Variants in PTPRT observed in about 807,000 individuals in gnomAD.
PTPRT encodes the protein receptor-type tyrosine-protein phosphatase T.
Under a neutral mutation model 176.8 loss-of-function variants are expected in PTPRT, and 56 were observed. The ratio of observed to expected loss-of-function variants is 0.32; its 90% CI spans 0.26 to 0.40. PTPRT has a LOEUF of 0.40. Ranked by LOEUF, PTPRT falls within the 10% of genes least tolerant of loss-of-function variation. The pLI, the probability that PTPRT is intolerant of heterozygous loss-of-function variation, is 1.00. For synonymous variants in PTPRT, 783 were observed against 739.0 expected (o/e 1.06, Z -0.96); for missense variants, 1,540 against 1,908.2 (o/e 0.81, Z 3.60).
intron 2 of PTPRT, among the ~76,000 whole-genome samples, chr20:42,865,069 G>A (rs1450531304): frequency 6.6e-6 from 1 of 152,186 alleles, no homozygotes; most frequent in Non-Finnish European, 1.5e-5. Context: ...CCACCTCCAC[G>A]TGCAGTCAAG....
chr20:42,626,425 T>C (rs147380176), intron 7 of PTPRT, among the ~76,000 whole-genome samples: 1 of 152,304 alleles, frequency 6.6e-6, no homozygotes, highest in Non-Finnish European at 1.5e-5. Context: ...ACAGGATGTC[T>C]GCCCTATTCA....
intron 1 of PTPRT, among the ~76,000 whole-genome samples, chr20:43,047,041 G>A (rs1229450587): frequency 6.6e-6 from 1 of 152,110 alleles, no homozygotes; most frequent in Non-Finnish European, 1.5e-5. Flanking sequence ...GATCATTCAC[G>A]CCAGTTTCTT....
chr20:43,137,151 T>C (rs2013857398), intron 1 of PTPRT, among the ~76,000 whole-genome samples: 1 of 152,052 alleles, frequency 6.6e-6, no homozygotes, highest in Non-Finnish European at 1.5e-5. Context: ...TCCAACCTCC[T>C]CCTGAGGAGA....
At chr20:43,109,274 C>G (rs1387739834) in intron 1 of PTPRT, among the ~76,000 whole-genome samples, 1 of 152,110 alleles carries the variant, frequency 6.6e-6, no homozygotes, top group Admixed American at 6.5e-5. Context: ...CTGGATGAAC[C>G]TCCCACACAT....
intron 7 of PTPRT, among the ~76,000 whole-genome samples, chr20:42,589,897 C>T (rs1240119074): frequency 1.3e-5 from 2 of 152,140 alleles, no homozygotes; most frequent in Non-Finnish European, 2.9e-5. Flanking sequence ...GTCATGACCA[C>T]GCCACTTATC....
Position 42,099,557 on chromosome 20 carries a change from G to T in PTPRT, c.3715-1005C>A, listed in dbSNP as rs1290784674. ...GAAAATGGCCTGGGCGGGGGGGGGG[G>T]GGGTGGGGTGGTCTGGCAGCTTCAT... On this transcript the variant is annotated intron_variant, in intron 26 of 30. Coordinates refer to ENST00000373187, the MANE Select transcript of PTPRT (RefSeq NM_007050.6). 9.3e-5 allele frequency among the ~76,000 whole-genome samples: 4 copies of T among 42,848 alleles called. 1 individual carries two copies. Among genetic ancestry groups the T allele is most frequent in the Non-Finnish European group, 1.7e-4 (3 of 17,698 alleles). 28.1% of individuals were successfully genotyped at this position (42,848 alleles called of 152,430 possible).
chr20:42,969,088 G>A (rs1377688255), intron 1 of PTPRT: 1 of 152,186 alleles, frequency 6.6e-6, no homozygotes, highest in Non-Finnish European at 1.5e-5. Flanking sequence ...CTAGATAGAA[G>A]AAGATGTCAC....
intron 2 of PTPRT, among the ~76,000 whole-genome samples, chr20:42,879,770 T>C (rs1392328462): frequency 6.6e-6 from 1 of 152,058 alleles, no homozygotes; most frequent in African/African-American, 2.4e-5. Context: ...CGTGTGTGTG[T>C]GTGCATGTGC....
At chr20:42,359,840 C>T (rs535614969) in intron 9 of PTPRT, among the ~76,000 whole-genome samples, 5 of 152,302 alleles carry the variant, frequency 3.3e-5, no homozygotes, top group Admixed American at 1.3e-4. Context: ...GACCCATGCC[C>T]GTGGTTCCTG....
chr20:42,097,377 G>A (rs1380025166), intron 27 of PTPRT, among the ~76,000 whole-genome samples: 2 of 152,204 alleles, frequency 1.3e-5, no homozygotes, highest in Admixed American at 1.3e-4. Flanking sequence ...CTTTGCCTCT[G>A]CTGTTCCCTC....
At chr20:42,158,305 C>T (rs1185449438) in intron 17 of PTPRT, among the ~76,000 whole-genome samples, 7 of 152,056 alleles carry the variant, frequency 4.6e-5, no homozygotes, top group South Asian at 2.1e-4. Flanking sequence ...ACTGTTGTAT[C>T]CTAAATACCT....
chr20:43,180,369 C>CTCTCTCTCTCTCTCTCTCTCTT lies in PTPRT; in HGVS notation c.88+9276_88+9277insAAGAGAGAGAGAGAGAGAGAGA, dbSNP rs1208040640. On this transcript the variant is annotated intron_variant, in intron 1 of 30. Coordinates refer to ENST00000373187, the MANE Select transcript of PTPRT (RefSeq NM_007050.6). ...TCTCTCTCTCTCTCTCTCTCTCTCT[C>CTCTCTCTCTCTCTCTCTCTCTT]TCTGCCCCCACCTCCCTCCCTTCCT... Among the ~76,000 whole-genome samples the CTCTCTCTCTCTCTCTCTCTCTT allele has an allele frequency of 6.2e-4, 94 of 151,350 alleles. 3 individuals carry two copies. Among genetic ancestry groups the CTCTCTCTCTCTCTCTCTCTCTT allele is most frequent in the African/African-American group, 2.1e-3 (86 of 41,070 alleles).
intron 1 of PTPRT, among the ~76,000 whole-genome samples, chr20:43,039,031 G>A (rs1262764347): frequency 1.3e-5 from 2 of 152,116 alleles, no homozygotes; most frequent in African/African-American, 4.8e-5. Flanking sequence ...TAAATCCAAC[G>A]CAGAGCCAAC....
chr20:42,555,370 G>A (rs1000391316), intron 7 of PTPRT, among the ~76,000 whole-genome samples: 9 of 152,118 alleles, frequency 5.9e-5, no homozygotes, highest in Non-Finnish European at 7.4e-5. Context: ...AGTCTAGGGC[G>A]GCCAGGTGCA....
intron 7 of PTPRT, among the ~76,000 whole-genome samples, chr20:42,630,180 T>C (rs920438261): frequency 9.2e-5 from 14 of 152,000 alleles, no homozygotes; most frequent in South Asian, 6.2e-4. Flanking sequence ...CCTTTGAAGA[T>C]AGAGGAAGGG....
intron 18 of PTPRT, among the ~76,000 whole-genome samples, chr20:42,141,395 T>A (rs2076242): frequency 0.2 from 30,848 of 152,210 alleles, 4,003 homozygotes; most frequent in South Asian, 0.39. Context: ...CATCAGCCAG[T>A]GTGACTCCAC....
chr20:42,673,544 G>T (rs1385656672), intron 7 of PTPRT, among the ~76,000 whole-genome samples: 1 of 152,110 alleles, frequency 6.6e-6, no homozygotes, highest in Non-Finnish European at 1.5e-5. Flanking sequence ...TTATAGTTCT[G>T]AGGGCTGGAA....
intron 1 of PTPRT, among the ~76,000 whole-genome samples, chr20:43,178,786 AAGGGGAC>A (rs1156971712): frequency 1.3e-5 from 2 of 152,186 alleles, no homozygotes; most frequent in Admixed American, 6.5e-5. Context: ...AGCAAGACTG[AAGGGGAC>A]AGGTAATAAA....
At chr20:42,902,247 T>G (rs531792638) in intron 1 of PTPRT, among the ~76,000 whole-genome samples, 78 of 152,250 alleles carry the variant, frequency 5.1e-4, no homozygotes, top group African/African-American at 1.8e-3. Context: ...AGAACTAAGG[T>G]CCAGAGCCTC....
Sources: allele counts gnomAD v4.1 joint callset (sites outside exome capture counted in the v4.1 genomes callset), GRCh38; gene constraint gnomAD v4.1.1; transcripts MANE v1.5; gene names NCBI Gene and HGNC (gene_info 2026-07-23, HGNC 2026-07-21).